The following GALNS variants were observed in gnomAD, a reference collection of about 807,000 sequenced individuals.
GALNS encodes N-acetylgalactosamine-6-sulfatase.
In GALNS, 65 loss-of-function variants were observed where a neutral mutation model predicts 65.9. The observed-to-expected ratio is 0.99, with a 90% CI of 0.81 to 1.21. The LOEUF is 1.21. Ranked by LOEUF, GALNS falls within the 50% of genes most tolerant of loss-of-function variation. GALNS has a pLI of 0.00. For synonymous variants in GALNS, 346 were observed against 288.9 expected (o/e 1.20, Z -2.00); for missense variants, 776 against 700.7 (o/e 1.11, Z -1.21).
chr16:88,837,848 C>G, intron 4 of GALNS, 83 bp from the exon 5 acceptor site: 1 of 1,479,932 alleles, frequency 6.8e-7, no homozygotes, highest in Non-Finnish European at 9.4e-7. Flanking sequence ...ACCACCTTCA[C>G]AAAATTCTTG....
intron 3 of GALNS, among the ~76,000 whole-genome samples, chr16:88,841,455 A>AC (rs1966968972): frequency 6.8e-6 from 1 of 147,290 alleles, no homozygotes; most frequent in East Asian, 2.0e-4. Flanking sequence ...GCACTGCCCC[A>AC]CCCCTGCCTC....
intron 1 of GALNS, among the ~76,000 whole-genome samples, chr16:88,852,587 C>T (rs546402408): frequency 6.6e-5 from 10 of 152,250 alleles, no homozygotes; most frequent in East Asian, 1.9e-4. Flanking sequence ...CCAACTTCTC[C>T]GAACTAGAGG....
intron 4 of GALNS, among the ~76,000 whole-genome samples, chr16:88,838,287 G>C (rs1312826873): frequency 1.3e-5 from 2 of 152,202 alleles, no homozygotes; most frequent in African/African-American, 4.8e-5. Flanking sequence ...ATGACGACTG[G>C]GCGGGGCGTT....
At chr16:88,855,520 T>TGTG in intron 1 of GALNS, 1 of 702,636 alleles carries the variant, frequency 1.4e-6, no homozygotes, top group Non-Finnish European at 2.6e-6. Context: ...TGGAAAGCAG[T>TGTG]CACTGCACAC....
rs761850746 is a variant in GALNS, at chr16:88,835,212, C to T, written c.898+1G>A. On this transcript the variant is annotated splice_donor_variant, in intron 8 of 13. Transcript: ENST00000268695. LOFTEE classifies it high-confidence loss of function. ...CGTGAGAAGTGACAGCGAGCACTCA[C>T]CTTGTTCGGGGGCGGAAATGAGGGC... 3 of 1,579,754 alleles carry T rather than the reference C, an allele frequency of 1.9e-6. No homozygotes were observed. The highest frequency in any genetic ancestry group is 1.7e-6 in the Non-Finnish European group (2 of 1,161,388).
chr16:88,835,225 C>T lies in GALNS; in HGVS notation c.886G>A (p.Ala296Thr), dbSNP rs760366984. ...TSDNGAALIS[A>T]PEQGGSNGPF... ...AGCGAGCACTCACCTTGTTCGGGGG[C>T]GGAAATGAGGGCAGCGCCGTTGTCC... Residue 296 changes from alanine to threonine, a missense_variant, in exon 8 of 14, where the codon GCC becomes ACC. Coordinates refer to ENST00000268695, the MANE Select transcript of GALNS (RefSeq NM_000512.5). 1.4e-5 allele frequency: 23 copies of T among 1,589,312 alleles called. No homozygotes were observed. The highest frequency in any genetic ancestry group is 9.1e-5 in the South Asian group (8 of 87,914).
intron 1 of GALNS, among the ~76,000 whole-genome samples, chr16:88,847,327 C>A (rs1461674940): frequency 6.6e-6 from 1 of 152,086 alleles, no homozygotes; most frequent in Non-Finnish European, 1.5e-5. Flanking sequence ...GCTGAGATCG[C>A]GCCACGGCAG....
intron 1 of GALNS, among the ~76,000 whole-genome samples, chr16:88,851,980 C>T (rs772504053): frequency 2.0e-5 from 3 of 152,232 alleles, no homozygotes; most frequent in East Asian, 1.9e-4. Flanking sequence ...TAAACGTCCC[C>T]GTCTGACAGC....
intron 4 of GALNS, among the ~76,000 whole-genome samples, chr16:88,838,313 GC>G (rs1912355532): frequency 6.6e-6 from 1 of 152,162 alleles, no homozygotes; most frequent in African/African-American, 2.4e-5. Flanking sequence ...CCGTGCGGGA[GC>G]CCCGGGGCCT....
rs1435949518 is a variant in GALNS, at chr16:88,835,808, G to A, written c.675C>T (p.Pro225=). The change falls in exon 7 of 14, where the codon CCC becomes CCT. Residue 225 remains proline, a synonymous_variant. Coordinates refer to ENST00000268695, the MANE Select transcript of GALNS (RefSeq NM_000512.5). ...CGTCGACAGCCCAGTAGAGGAAAAA[G>A]GGGTGGTGCCGTGCCTGTCTCTTAA... The part of the protein sequence containing the change: ...DFIKRQARHH[P]FFLYWAVDAT... The A allele has an allele frequency of 2.5e-6, 4 of 1,614,158 alleles. No individual in the cohort carries two copies. Among genetic ancestry groups the A allele is most frequent in the Admixed American group, 1.7e-5 (1 of 60,032 alleles).
At chr16:88,839,231 G>A (rs1242332269) in intron 4 of GALNS, among the ~76,000 whole-genome samples, 1 of 148,982 alleles carries the variant, frequency 6.7e-6, no homozygotes, top group Non-Finnish European at 1.5e-5. Flanking sequence ...GGCCACAGGG[G>A]ACACTCGTGC....
At chr16:88,817,283 C>G in intron 13 of GALNS, 10 of 985,464 alleles carry the variant, frequency 1.0e-5, no homozygotes, top group Non-Finnish European at 1.2e-5. Context: ...TGAACACAGA[C>G]TTCAGTGAAA....
Position 88,838,020 on chromosome 16 carries a change from C to A in GALNS, c.423-255G>T. 5 of 502,186 alleles carry A rather than the reference C, an allele frequency of 1.0e-5. 1 individual carries two copies. The highest frequency in any genetic ancestry group is 1.8e-5 in the Non-Finnish European group (5 of 274,384). 31.1% of individuals were successfully genotyped at this position (502,186 alleles called of 1,614,324 possible). A position where few individuals can be genotyped will look rare whatever the true frequency, so the allele number is the denominator to read the frequency against. On this transcript the variant is annotated intron_variant, in intron 4 of 13. Coordinates refer to ENST00000268695, the MANE Select transcript of GALNS (RefSeq NM_000512.5). Reference sequence around the variant, plus strand: ...CAGGCATGGCGGCGGCCGGGGTTCCCTGCACGGTGAAGGGTGGTGCATCGT... The same window carrying A: ...CAGGCATGGCGGCGGCCGGGGTTCCATGCACGGTGAAGGGTGGTGCATCGT...
intron 12 of GALNS, among the ~76,000 whole-genome samples, chr16:88,819,688 G>A (rs1465774180): frequency 2.0e-5 from 3 of 151,874 alleles, no homozygotes; most frequent in Non-Finnish European, 2.9e-5. Context: ...CACTGTGCCT[G>A]GCTAATTTTA....
intron 1 of GALNS, 66 bp downstream of exon 1, chr16:88,856,692 C>T: frequency 1.7e-6 from 1 of 585,684 alleles, no homozygotes; most frequent in South Asian, 1.9e-5. Flanking sequence ...CCTCGCTCCT[C>T]CCTCCATCCG....
intron 12 of GALNS, among the ~76,000 whole-genome samples, chr16:88,821,174 C>T (rs1910177809): frequency 1.6e-5 from 1 of 62,640 alleles, no homozygotes; most frequent in Non-Finnish European, 3.3e-5. Flanking sequence ...CTCACTTTTC[C>T]AGAGGCCAGA....
intron 1 of GALNS, among the ~76,000 whole-genome samples, chr16:88,854,798 C>T (rs886716731): frequency 2.0e-5 from 3 of 152,266 alleles, no homozygotes; most frequent in Admixed American, 1.3e-4. Flanking sequence ...AGGGAATCCC[C>T]ACTGTTGCTT....
chr16:88,847,325 C>T (rs910565335), intron 1 of GALNS, among the ~76,000 whole-genome samples: 2 of 152,100 alleles, frequency 1.3e-5, no homozygotes, highest in African/African-American at 2.4e-5. Flanking sequence ...GAGCTGAGAT[C>T]GCGCCACGGC....
chr16:88,856,183 C>T (rs1332097719), intron 1 of GALNS: 4 of 702,882 alleles, frequency 5.7e-6, no homozygotes, highest in Admixed American at 2.0e-5. Flanking sequence ...CCTTTCAGTT[C>T]TTCAGACCTT....
Sources: gnomAD v4.1 joint callset for allele counts (sites outside exome capture counted in the v4.1 genomes callset) on GRCh38, gnomAD v4.1.1 for gene constraint, MANE v1.5 for transcripts, NCBI Gene and HGNC (gene_info 2026-07-23, HGNC 2026-07-21) for gene names.